The following FANCC variants were observed in gnomAD, a reference collection of about 807,000 sequenced individuals.
FANCC encodes the protein FA complementation group C.
Under a neutral mutation model 71.3 loss-of-function variants are expected in FANCC, and 55 were observed. The observed-to-expected ratio is 0.77, with a 90% CI of 0.62 to 0.97. The LOEUF (loss-of-function observed/expected upper bound fraction) is 0.97. Among genes scored for constraint, FANCC ranks in the 50% least tolerant of loss-of-function variants. FANCC has a pLI of 0.00. For missense variants in FANCC, 678 were observed against 670.9 expected (o/e 1.01, Z -0.12); for synonymous variants, 275 against 244.9 (o/e 1.12, Z -1.15).
intron 1 of FANCC, among the ~76,000 whole-genome samples, chr9:95,291,989 TATA>T (rs1834047621): frequency 7.7e-6 from 1 of 129,490 alleles, no homozygotes; most frequent in Non-Finnish European, 1.7e-5. Context: ...TATATATATA[TATA>T]TTAAGACCCC....
At chr9:95,173,727 G>A (rs1368863066) in intron 4 of FANCC, among the ~76,000 whole-genome samples, 2 of 152,004 alleles carry the variant, frequency 1.3e-5, no homozygotes, top group African/African-American at 4.8e-5. Context: ...ACTAGCCTGG[G>A]CAACACAGAG....
intron 4 of FANCC, among the ~76,000 whole-genome samples, chr9:95,180,041 G>A (rs572246497): frequency 2.9e-4 from 44 of 152,322 alleles, no homozygotes; most frequent in African/African-American, 1.0e-3. Context: ...TATTTGCCTT[G>A]TAATAATTCA....
chr9:95,186,148 T>G (rs1656033546), intron 4 of FANCC, among the ~76,000 whole-genome samples: 1 of 152,120 alleles, frequency 6.6e-6, no homozygotes, highest in African/African-American at 2.4e-5. Context: ...AGAATCTGCT[T>G]CTCCAACAGG....
chr9:95,232,712 C>T (rs915627183), intron 4 of FANCC, among the ~76,000 whole-genome samples: 6 of 152,112 alleles, frequency 3.9e-5, no homozygotes, highest in East Asian at 1.9e-4. Context: ...GAAAGAAATT[C>T]GAGCATTTAT....
At chr9:95,286,953 T>C (rs1452097642) in intron 1 of FANCC, among the ~76,000 whole-genome samples, 1 of 152,214 alleles carries the variant, frequency 6.6e-6, no homozygotes, top group Admixed American at 6.5e-5. Flanking sequence ...ACTAAGGTTA[T>C]TAGAGGAAGC....
intron 3 of FANCC, among the ~76,000 whole-genome samples, chr9:95,244,286 G>A (rs1830808936): frequency 6.6e-6 from 1 of 152,148 alleles, no homozygotes. Context: ...ATCACATTGA[G>A]TCAGGCTGAC....
intron 4 of FANCC, among the ~76,000 whole-genome samples, chr9:95,208,448 T>C (rs765622594): frequency 1.3e-4 from 20 of 151,998 alleles, no homozygotes; most frequent in African/African-American, 2.7e-4. Context: ...TACTATGCCA[T>C]TGCAAAGGAT....
chr9:95,237,843 T>C (rs1049891191), intron 4 of FANCC, among the ~76,000 whole-genome samples: 1 of 152,230 alleles, frequency 6.6e-6, no homozygotes, highest in Non-Finnish European at 1.5e-5. Flanking sequence ...AAAAAGATTA[T>C]AAATAATCTC....
chr9:95,265,154 C>T (rs1270450881), intron 1 of FANCC, among the ~76,000 whole-genome samples: 1 of 152,092 alleles, frequency 6.6e-6, no homozygotes, highest in African/African-American at 2.4e-5. Flanking sequence ...CTGAGATAGT[C>T]TAATCAAAAA....
Position 95,125,226 on chromosome 9 carries a change from A to G in FANCC, c.897-41T>C, listed in dbSNP as rs757504128. On this transcript the variant is annotated intron_variant, in intron 9 of 14. Transcript: ENST00000289081. ...TCAGATCAGAACACGTTTAACAAGT[A>G]ATCCGGCAAACATGAAAACCTGCAC... 19 of 1,536,032 alleles carry G rather than the reference A, an allele frequency of 1.2e-5. No homozygotes were observed. The South Asian group carries it at 2.1e-4, about 17-fold the overall frequency.
At chr9:95,273,205 C>A (rs1177140737) in intron 1 of FANCC, among the ~76,000 whole-genome samples, 6 of 152,216 alleles carry the variant, frequency 3.9e-5, no homozygotes, top group Non-Finnish European at 8.8e-5. Flanking sequence ...TAAATGCCTA[C>A]CGGTGAGGAA....
chr9:95,285,080 T>C (rs866277557), intron 1 of FANCC, among the ~76,000 whole-genome samples: 1 of 152,014 alleles, frequency 6.6e-6, no homozygotes, highest in South Asian at 2.1e-4. Context: ...AAACGGTATG[T>C]TGCCAAAGAG....
At chr9:95,247,018 G>C (rs1010084234) in intron 3 of FANCC, among the ~76,000 whole-genome samples, 18 of 152,178 alleles carry the variant, frequency 1.2e-4, no homozygotes, top group African/African-American at 4.1e-4. Flanking sequence ...TACAACATGG[G>C]AAAGAGTGTG....
chr9:95,125,854 G>T (rs1825899845), intron 9 of FANCC, among the ~76,000 whole-genome samples: 1 of 152,146 alleles, frequency 6.6e-6, no homozygotes, highest in South Asian at 2.1e-4. Context: ...AAGAGGGGCT[G>T]GGACACTCCC....
chr9:95,135,644 T>G, intron 7 of FANCC, 142 bp from the exon 8 acceptor site: 2 of 692,022 alleles, frequency 2.9e-6, no homozygotes, highest in Non-Finnish European at 5.0e-6. Context: ...ATTTATAGAA[T>G]CAGTGAATAT....
chr9:95,121,145 G>A (rs1284636865), intron 10 of FANCC, among the ~76,000 whole-genome samples: 1 of 152,180 alleles, frequency 6.6e-6, no homozygotes, highest in Non-Finnish European at 1.5e-5. Context: ...TTATCTGTGG[G>A]AGATGATTTA....
Position 95,206,098 on chromosome 9 carries a change from C to T in FANCC, c.346-33951G>A, listed in dbSNP as rs866272266. On this transcript the variant is annotated intron_variant, in intron 4 of 14. Coordinates refer to ENST00000289081, the MANE Select transcript of FANCC (RefSeq NM_000136.3). Reference sequence around the variant, plus strand: ...CAAATAAAAGCTGGAAAAAGAAATACACAAAAGCATCATATGTAAAAAGGT... The same window carrying T: ...CAAATAAAAGCTGGAAAAAGAAATATACAAAAGCATCATATGTAAAAAGGT... 6.6e-5 allele frequency among the ~76,000 whole-genome samples: 10 copies of T among 152,098 alleles called. 2 individuals are homozygous for T. The Middle Eastern group carries it at 0.031, about 466-fold the overall frequency.
intron 6 of FANCC, among the ~76,000 whole-genome samples, chr9:95,157,801 A>G (rs1830529838): frequency 6.6e-6 from 1 of 152,208 alleles, no homozygotes; most frequent in East Asian, 1.9e-4. Context: ...ATTTTGGTAT[A>G]CCCAAGAACT....
intron 4 of FANCC, among the ~76,000 whole-genome samples, chr9:95,233,107 A>G (rs1198838720): frequency 6.6e-6 from 1 of 152,144 alleles, no homozygotes; most frequent in Admixed American, 6.5e-5. Context: ...AATTCAGGGT[A>G]CTATTAAGAA....
Sources: gnomAD v4.1 joint callset for allele counts (sites outside exome capture counted in the v4.1 genomes callset) on GRCh38, gnomAD v4.1.1 for gene constraint, MANE v1.5 for transcripts, NCBI Gene and HGNC (gene_info 2026-07-23, HGNC 2026-07-21) for gene names.